The following KIF11 variants were observed in gnomAD, a reference collection of about 807,000 sequenced individuals.
The protein encoded by KIF11 is kinesin family member 11, also known as kinesin-like protein KIF11.
A neutral mutation model predicts 121.0 loss-of-function variants in KIF11; 9 were observed. The ratio of observed to expected loss-of-function variants is 0.07; its 90% CI spans 0.04 to 0.13. The LOEUF (loss-of-function observed/expected upper bound fraction) is 0.13, where lower values mean the gene tolerates loss of function less well. KIF11 is among the 10% of genes least tolerant of loss of function. KIF11 has a pLI of 1.00. For missense variants in KIF11, 846 were observed against 1,217.5 expected (o/e 0.69, Z 4.54); for synonymous variants, 408 against 421.0 (o/e 0.97, Z 0.38).
chr10:92,608,638 C>T (rs1338494329), intron 4 of KIF11, among the ~76,000 whole-genome samples: 10 of 152,114 alleles, frequency 6.6e-5, no homozygotes, highest in Admixed American at 2.6e-4. Flanking sequence ...GGGGTTTCAC[C>T]GTGTTGGCCG....
rs138664653 is a variant in KIF11 at position 92,641,124 on chromosome 10, C to G, written c.2267+1224C>G. On this transcript the variant is annotated intron_variant, in intron 17 of 21. Transcript: ENST00000260731. ...TACTTAACATACACTACAGTCAGAC[C>G]TATGTTTTCTTTTAGGAATTTTATA... Among the ~76,000 whole-genome samples, 73 of 152,256 alleles carry G rather than the reference C, an allele frequency of 4.8e-4. No homozygotes were observed. In the East Asian group the frequency reaches 0.013, roughly 27 times the overall value.
At chr10:92,627,495 G>GA (rs1196791466) in intron 10 of KIF11, among the ~76,000 whole-genome samples, 1 of 151,976 alleles carries the variant, frequency 6.6e-6, no homozygotes, top group Non-Finnish European at 1.5e-5. Flanking sequence ...CTCTCCTTTT[G>GA]AAAAATATAG....
intron 1 of KIF11, 42 bp downstream of exon 1, chr10:92,593,494 C>T (rs1450808330): frequency 1.9e-6 from 3 of 1,559,578 alleles, no homozygotes; most frequent in South Asian, 2.3e-5. Context: ...TGCGGCTTCG[C>T]TGCTGGGCCC....
In KIF11 at chr10:92,609,342, G is replaced by GTT. The variant is rs747185439; in HGVS notation, c.574-40_574-39dup. The GTT allele has an allele frequency of 1.9e-3, 2,773 of 1,428,908 alleles. 11 individuals carry two copies. The highest frequency in any genetic ancestry group is 2.2e-3 in the Non-Finnish European group (2,237 of 1,033,942). The allele number at this position is 1,428,908 out of a possible 1,614,324, so 88.5% of individuals were successfully genotyped here. A position where few individuals can be genotyped will look rare whatever the true frequency, so the allele number is the denominator to read the frequency against. ...TGTGTGTGTGTGTGTGTGTGTGTGT[G>GTT]TTTTAACCAATCTAATGGATGTTCT... On this transcript the variant is annotated intron_variant, in intron 5 of 21. Coordinates refer to ENST00000260731, the MANE Select transcript of KIF11 (RefSeq NM_004523.4).
At chr10:92,640,125 CAA>C (rs1844849338) in intron 17 of KIF11, among the ~76,000 whole-genome samples, 1 of 152,196 alleles carries the variant, frequency 6.6e-6, no homozygotes, top group Non-Finnish European at 1.5e-5. Flanking sequence ...CTGTTACCCA[CAA>C]TATATTTTCG....
At position 92,603,263 on chromosome 10, in the gene KIF11, C is replaced by CTTTTTTTT. The variant is rs368046931; in HGVS notation, c.78-2990_78-2983dup. 8.4e-3 allele frequency among the ~76,000 whole-genome samples: 912 copies of CTTTTTTTT among 109,072 alleles called. 9 individuals are homozygous for CTTTTTTTT. Among genetic ancestry groups the CTTTTTTTT allele is most frequent in the East Asian group, 0.019 (68 of 3,534 alleles). 71.6% of individuals were successfully genotyped at this position (109,072 alleles called of 152,430 possible). On this transcript the variant is annotated intron_variant, in intron 1 of 21. Transcript: ENST00000260731. ...CCCTTAAACTGCTTTCTTTTCTTTTCTTTTTTTTTTTTTTTTTTTGAGACA... is the reference window on the plus strand; with the variant it reads ...CCCTTAAACTGCTTTCTTTTCTTTTCTTTTTTTTTTTTTTTTTTTTTTTTTTTGAGACA...
At chr10:92,632,385 A>AATT (rs1844748032) in intron 12 of KIF11, 101 bp from the exon 13 acceptor site, 1 of 804,584 alleles carries the variant, frequency 1.2e-6, no homozygotes, top group African/African-American at 1.7e-5. Flanking sequence ...CCAGGCTGGA[A>AATT]AATTTACTAG....
At chr10:92,653,294 A>C (rs1225749835) in intron 21 of KIF11, among the ~76,000 whole-genome samples, 3 of 152,084 alleles carry the variant, frequency 2.0e-5, no homozygotes, top group African/African-American at 4.8e-5. Context: ...GTGAATACTC[A>C]CTCAAAGCCA....
At chr10:92,651,961 CTTTTTT>C (rs36000362) in intron 21 of KIF11, among the ~76,000 whole-genome samples, 2 of 102,550 alleles carry the variant, frequency 2.0e-5, no homozygotes, top group East Asian at 3.6e-4. Context: ...ATGCTTGTAC[CTTTTTT>C]TTTTTTTTTT....
chr10:92,610,774 A>G (rs571280023), intron 6 of KIF11, among the ~76,000 whole-genome samples: 23 of 152,326 alleles, frequency 1.5e-4, no homozygotes, highest in African/African-American at 5.5e-4. Flanking sequence ...CATAACAATT[A>G]CAGTTGCAAC....
At chr10:92,630,500 A>G (rs1844725167) in intron 12 of KIF11, 136 bp downstream of exon 12, 3 of 484,860 alleles carry the variant, frequency 6.2e-6, no homozygotes, top group South Asian at 5.2e-5. Context: ...TTATTTTACT[A>G]TTTCATCCAT....
At chr10:92,615,413 C>CA (rs1373886860) in intron 8 of KIF11, among the ~76,000 whole-genome samples, 1 of 151,514 alleles carries the variant, frequency 6.6e-6, no homozygotes, top group African/African-American at 2.4e-5. Flanking sequence ...CTCAAAAAAA[C>CA]AAAAAAGCTT....
At position 92,630,409 on chromosome 10, in the gene KIF11, G is replaced by T. The variant is rs776885496; in HGVS notation, c.1494+45G>T. 7 of 1,252,304 alleles carry T rather than the reference G, an allele frequency of 5.6e-6. No individual in the cohort carries two copies. The Admixed American group carries it at 1.2e-4, about 21-fold the overall frequency. 77.6% of individuals were successfully genotyped at this position (1,252,304 alleles called of 1,614,324 possible). A position where few individuals can be genotyped will look rare whatever the true frequency, so the allele number is the denominator to read the frequency against. ...TTGTACTCATATTAAGTAGAGAATG[G>T]GTAGAAAAAATTTTCTGTGCTTAAG... On this transcript the variant is annotated intron_variant, in intron 12 of 21. Coordinates refer to ENST00000260731, the MANE Select transcript of KIF11 (RefSeq NM_004523.4).
intron 21 of KIF11, among the ~76,000 whole-genome samples, chr10:92,652,614 T>G (rs1845000306): frequency 6.6e-6 from 1 of 152,200 alleles, no homozygotes; most frequent in Non-Finnish European, 1.5e-5. Flanking sequence ...TCCTTACTAT[T>G]AGAGAACTAT....
chr10:92,651,511 T>TTTTTC (rs1844981482), intron 21 of KIF11, among the ~76,000 whole-genome samples: 2 of 39,322 alleles, frequency 5.1e-5, no homozygotes, highest in Non-Finnish European at 8.7e-5. Flanking sequence ...AATTTTGTTT[T>TTTTTC]TTTTTTTTTT....
chr10:92,652,809 A>G (rs1161017117), intron 21 of KIF11, among the ~76,000 whole-genome samples: 3 of 152,184 alleles, frequency 2.0e-5, no homozygotes, highest in Non-Finnish European at 4.4e-5. Context: ...AGTACCAGAA[A>G]GGGTTTGGGA....
intron 1 of KIF11, among the ~76,000 whole-genome samples, chr10:92,598,716 T>TC (rs1408450370): frequency 6.6e-6 from 1 of 152,204 alleles, no homozygotes; most frequent in Non-Finnish European, 1.5e-5. Flanking sequence ...GTCTTTCAGT[T>TC]CATGAACAAG....
rs1845024557 is a variant in KIF11 at position 92,654,577 on chromosome 10, T to G, written c.*781T>G. On this transcript the variant is annotated 3_prime_UTR_variant, in exon 22 of 22. Transcript: ENST00000260731. ...TCCCTTTTTATTTTTCACCAAACCA[T>G]TTGTAGAGCTACAAAAGGTATCCTT... The G allele has an allele frequency of 6.6e-6, 1 of 152,210 alleles. No individual in the cohort carries two copies. Among genetic ancestry groups the G allele is most frequent in the South Asian group, 2.1e-4 (1 of 4,834 alleles). 9.4% of individuals were successfully genotyped at this position (152,210 alleles called of 1,614,324 possible).
At position 92,608,899 on chromosome 10, in the gene KIF11, G is replaced by T. The variant is rs12248860; in HGVS notation, c.388-121G>T. 0.075 allele frequency: 41,753 copies of T among 554,300 alleles called. 4,108 individuals are homozygous for T. The highest frequency in any genetic ancestry group is 0.38 in the African/African-American group (19,211 of 50,442). 34.3% of individuals were successfully genotyped at this position (554,300 alleles called of 1,614,324 possible). On this transcript the variant is annotated intron_variant, in intron 4 of 21. Coordinates refer to ENST00000260731, the MANE Select transcript of KIF11 (RefSeq NM_004523.4). ...CATTAGGTTAGTTGTTTCTTTTTTT[G>T]TTTTGTTTTAACTTGCTTTGCCATA...
Sources: gnomAD v4.1 joint callset for allele counts (sites outside exome capture counted in the v4.1 genomes callset) on GRCh38, gnomAD v4.1.1 for gene constraint, MANE v1.5 for transcripts, NCBI Gene and HGNC (gene_info 2026-07-23, HGNC 2026-07-21) for gene names.